Variants in ADIPOR2 observed in about 807,000 individuals in gnomAD.
ADIPOR2 encodes adiponectin receptor 2.
In ADIPOR2, 18 loss-of-function variants were observed where a neutral mutation model predicts 40.9. The ratio of observed to expected loss-of-function variants is 0.44; its 90% CI spans 0.30 to 0.65. The LOEUF is 0.65. Ranked by LOEUF, ADIPOR2 falls within the 30% of genes least tolerant of loss-of-function variation. The pLI is 0.09. For missense variants in ADIPOR2, 283 were observed against 479.2 expected, an observed-to-expected ratio of 0.59 and a Z score of 3.82; for synonymous variants, 165 against 166.4, an observed-to-expected ratio of 0.99 and a Z score of 0.06.
At chr12:1,780,401 T>C (rs756136615) in intron 4 of ADIPOR2, 50 bp from the exon 5 acceptor site, 1 of 1,470,242 alleles carries the variant, frequency 6.8e-7, no homozygotes, top group East Asian at 2.4e-5. Context: ...TATAATACTG[T>C]CTCTTCTAAA....
chr12:1,740,427 C>G (rs563174172), intron 1 of ADIPOR2, among the ~76,000 whole-genome samples: 26 of 152,334 alleles, frequency 1.7e-4, no homozygotes, highest in Non-Finnish European at 3.4e-4. Context: ...CCTCACAGGG[C>G]CTTTCCTCTG....
At chr12:1,778,160 AT>A (rs1862638075) in intron 4 of ADIPOR2, 135 bp downstream of exon 4, 1 of 1,027,840 alleles carries the variant, frequency 9.7e-7, no homozygotes, top group Admixed American at 3.5e-5. Flanking sequence ...CTAATGATGA[AT>A]TTTCTGACTG....
intron 1 of ADIPOR2, among the ~76,000 whole-genome samples, chr12:1,713,071 G>T (rs1434470770): frequency 6.6e-6 from 1 of 152,098 alleles, no homozygotes; most frequent in South Asian, 2.1e-4. Flanking sequence ...TTGGACCAGT[G>T]CCTGACCAAA....
At chr12:1,699,088 C>T (rs2094645049) in intron 1 of ADIPOR2, among the ~76,000 whole-genome samples, 1 of 152,074 alleles carries the variant, frequency 6.6e-6, no homozygotes, top group African/African-American at 2.4e-5. Context: ...TTTGTTATCA[C>T]TGATCAAAAA....
chr12:1,773,436 G>T (rs1862526420), intron 3 of ADIPOR2, among the ~76,000 whole-genome samples: 1 of 151,170 alleles, frequency 6.6e-6, no homozygotes, highest in Non-Finnish European at 1.5e-5. Flanking sequence ...GGTATTTTCA[G>T]TTCAGCTGGT....
intron 1 of ADIPOR2, among the ~76,000 whole-genome samples, chr12:1,709,741 T>C (rs1400727378): frequency 6.6e-6 from 1 of 152,178 alleles, no homozygotes; most frequent in Non-Finnish European, 1.5e-5. Flanking sequence ...TATTCAATTT[T>C]ATATTAAATA....
intron 1 of ADIPOR2, among the ~76,000 whole-genome samples, chr12:1,730,479 C>T (rs377591979): frequency 5.9e-5 from 9 of 151,770 alleles, no homozygotes; most frequent in East Asian, 5.8e-4. Flanking sequence ...TAGCTGGGCG[C>T]GGTGGCGGGC....
At chr12:1,752,445 T>C (rs2094771538) in intron 1 of ADIPOR2, among the ~76,000 whole-genome samples, 1 of 152,042 alleles carries the variant, frequency 6.6e-6, no homozygotes, top group Non-Finnish European at 1.5e-5. Flanking sequence ...TTATTCTACT[T>C]GCTACAGCTT....
chr12:1,786,592 T>C lies in ADIPOR2; in HGVS notation c.*520T>C, dbSNP rs1862841385. On this transcript the variant is annotated 3_prime_UTR_variant, in exon 8 of 8. Transcript: ENST00000357103. Reference sequence around the variant, plus strand: ...TTAAATAAGACTTTATATAAATGTTTAAAACATAGGGGTAAGGGAGGGAGG... The same window carrying C: ...TTAAATAAGACTTTATATAAATGTTCAAAACATAGGGGTAAGGGAGGGAGG... 6.5e-6 allele frequency: 1 copy of C among 153,334 alleles called. No individual in the cohort carries two copies. The highest frequency in any genetic ancestry group is 1.5e-5 in the Non-Finnish European group (1 of 68,560). The allele number at this position is 153,334 out of a possible 1,614,324, so 9.5% of individuals were successfully genotyped here.
intron 1 of ADIPOR2, among the ~76,000 whole-genome samples, chr12:1,692,489 T>C (rs566806177): frequency 1.3e-5 from 2 of 152,358 alleles, no homozygotes; most frequent in East Asian, 3.9e-4. Context: ...AAATTGCAAA[T>C]TAAATGTGAA....
At chr12:1,743,306 T>G (rs2094747592) in intron 1 of ADIPOR2, among the ~76,000 whole-genome samples, 1 of 125,560 alleles carries the variant, frequency 8.0e-6, no homozygotes, top group Non-Finnish European at 1.6e-5. Context: ...AGCGAGACGC[T>G]GTCTAAAAAA....
In ADIPOR2 at chr12:1,787,482, G is replaced by C. The variant is rs970881728; in HGVS notation, c.*1410G>C. The stretch of plus-strand genomic sequence containing the variant: ...TAAATACAATGGTATGTTATTGCCA[G>C]GGAGTGAGGTACAAGACGATGGCTC... On this transcript the variant is annotated 3_prime_UTR_variant, in exon 8 of 8. Transcript: ENST00000357103. The C allele has an allele frequency of 2.0e-5, 3 of 152,222 alleles. No homozygotes were observed. Among genetic ancestry groups the C allele is most frequent in the Admixed American group, 2.0e-4 (3 of 15,278 alleles). 9.4% of individuals were successfully genotyped at this position (152,222 alleles called of 1,614,324 possible). A position where few individuals can be genotyped will look rare whatever the true frequency, so the allele number is the denominator to read the frequency against.
At chr12:1,769,077 A>G (rs1862444193) in intron 2 of ADIPOR2, among the ~76,000 whole-genome samples, 1 of 152,182 alleles carries the variant, frequency 6.6e-6, no homozygotes, top group Non-Finnish European at 1.5e-5. Flanking sequence ...GATACAATTT[A>G]TTGTTCAGAG....
chr12:1,755,826 A>G (rs1218806036), intron 2 of ADIPOR2, among the ~76,000 whole-genome samples: 1 of 152,282 alleles, frequency 6.6e-6, no homozygotes, highest in African/African-American at 2.4e-5. Context: ...AAAATTAAAG[A>G]TCAAAATAGA....
intron 1 of ADIPOR2, among the ~76,000 whole-genome samples, chr12:1,728,892 T>A (rs1350238766): frequency 6.6e-6 from 1 of 151,916 alleles, no homozygotes; most frequent in Non-Finnish European, 1.5e-5. Flanking sequence ...CTTGACTCTC[T>A]TTTACTGTTA....
Position 1,728,970 on chromosome 12 carries a change from T to TG in ADIPOR2, c.-86-25288_-86-25287insG, listed in dbSNP as rs2094713976. 2.6e-5 allele frequency among the ~76,000 whole-genome samples: 4 copies of TG among 151,144 alleles called. No individual in the cohort carries two copies. The South Asian group carries it at 8.4e-4, about 32-fold the overall frequency. On this transcript the variant is annotated intron_variant, in intron 1 of 7. Transcript: ENST00000357103. ...CTAGTTCTGGACTGTTTTTTTTTTTTTTTTTTTTTTTAACAAGACAGTCAT... is the reference window on the plus strand; with the variant it reads ...CTAGTTCTGGACTGTTTTTTTTTTTTGTTTTTTTTTTTAACAAGACAGTCAT...
chr12:1,761,396 GT>G (rs1862267291), intron 2 of ADIPOR2, among the ~76,000 whole-genome samples: 1 of 152,090 alleles, frequency 6.6e-6, no homozygotes, highest in Non-Finnish European at 1.5e-5. Flanking sequence ...ATTTTTCTGG[GT>G]TATATGTTAA....
intron 1 of ADIPOR2, among the ~76,000 whole-genome samples, chr12:1,718,769 C>G (rs958891085): frequency 1.3e-5 from 2 of 152,214 alleles, no homozygotes; most frequent in Non-Finnish European, 1.5e-5. Flanking sequence ...TGTCTTTTTC[C>G]CTCAACTCTA....
intron 1 of ADIPOR2, among the ~76,000 whole-genome samples, chr12:1,719,147 G>A (rs1419134338): frequency 6.6e-6 from 1 of 151,744 alleles, no homozygotes; most frequent in African/African-American, 2.4e-5. Flanking sequence ...TACCAATTAT[G>A]CTTTTTCAGT....
Sources: gnomAD v4.1 joint callset for allele counts (sites outside exome capture counted in the v4.1 genomes callset) on GRCh38, gnomAD v4.1.1 for gene constraint, MANE v1.5 for transcripts, NCBI Gene and HGNC (gene_info 2026-07-23, HGNC 2026-07-21) for gene names.